SEMA4C: variants seen among roughly 807,000 people sequenced by gnomAD.
SEMA4C encodes semaphorin 4C, also known as semaphorin-4C.
A neutral mutation model predicts 89.0 loss-of-function variants in SEMA4C; 19 were observed. The observed-to-expected ratio is 0.21, with a 90% CI of 0.15 to 0.31. The LOEUF is 0.31. Ranked by LOEUF, SEMA4C falls within the 10% of genes least tolerant of loss-of-function variation. The probability of loss-of-function intolerance (pLI) is 1.00; values close to 1 mark genes in which losing one functional copy is unlikely to be tolerated. For synonymous variants in SEMA4C, 428 were observed against 472.7 expected, an observed-to-expected ratio of 0.91 and a Z score of 1.23; for missense variants, 811 against 1,107.0, an observed-to-expected ratio of 0.73 and a Z score of 3.79.
In SEMA4C at chr2:96,864,984, G is replaced by A. The variant is rs1488691262; in HGVS notation, c.766C>T (p.Arg256Cys). Reference sequence around the variant, plus strand: ...GGTACCTTGCAGACACGGGCCACACGAGCCACCACCTGCTCGGCATAGCAG... The same window carrying A: ...GGTACCTTGCAGACACGGGCCACACAAGCCACCACCTGCTCGGCATAGCAG... ...SDCYAEQVVA[R>C]VARVCKGDMG... The change falls in exon 8 of 15, where the codon CGT (arginine) becomes TGT (cysteine). Residue 256 changes from arginine to cysteine, a missense_variant. Physicochemically the swap from Arg to Cys is radical, Grantham distance 180 (BLOSUM62 -3). This residue lies in a region of SEMA4C where 441 missense variants were observed against 664.9 expected (regional missense o/e 0.66). Coordinates refer to ENST00000305476, the MANE Select transcript of SEMA4C (RefSeq NM_017789.5). The surrounding 1 kb of genome is among the most constrained non-coding windows in gnomAD (Gnocchi z 6.3). The A allele has an allele frequency of 1.9e-6, 3 of 1,572,066 alleles. No homozygotes were observed. The highest frequency in any genetic ancestry group is 2.4e-5 in the East Asian group (1 of 42,214).
At position 96,861,529 on chromosome 2, in the gene SEMA4C, C is replaced by T. The variant is rs369155347; in HGVS notation, c.1672+50G>A. 33 of 1,608,058 alleles carry T rather than the reference C, an allele frequency of 2.1e-5. No individual in the cohort carries two copies. The highest frequency in any genetic ancestry group is 2.7e-5 in the Non-Finnish European group (32 of 1,175,304). ...CTGGGGAAGAGGAGAACAGAAACTC[C>T]AGCTCTGGTCCAGGGCTCAGCCCGA... is the stretch of plus-strand genomic sequence containing the variant. On this transcript the variant is annotated intron_variant, in intron 14 of 14. Transcript: ENST00000305476. The surrounding 1 kb of genome is among the most constrained non-coding windows in gnomAD (Gnocchi z 7.8).
Position 96,861,328 on chromosome 2 carries a change from G to A in SEMA4C, c.1800C>T (p.Pro600=), listed in dbSNP as rs779706065. The A allele has an allele frequency of 3.5e-5, 56 of 1,607,040 alleles. No homozygotes were observed. Among genetic ancestry groups the A allele is most frequent in the East Asian group, 4.5e-5 (2 of 44,894 alleles). Residue 600 remains proline (P), a synonymous_variant, in exon 15 of 15, where the codon CCC becomes CCT. Coordinates refer to ENST00000305476, the MANE Select transcript of SEMA4C (RefSeq NM_017789.5). This position sits in a 1 kb window ranked among gnomAD's most constrained non-coding sequence, Gnocchi z 7.8. ...FGGRDLPAEQ[P]GSFLYDARLQ... ...GCCGGGCATCGTAGAGGAAGGACCCGGGCTGTTCCGCAGGCAGGTCCCGGC... is the reference window on the plus strand; with the variant it reads ...GCCGGGCATCGTAGAGGAAGGACCCAGGCTGTTCCGCAGGCAGGTCCCGGC...
chr2:96,870,723 A>C (rs1436356303), upstream of SEMA4C: 1 of 985,364 alleles, frequency 1.0e-6, no homozygotes. Flanking sequence ...TCCTCGTGCC[A>C]CTGGAAGGCT....
rs766080238 is a variant in SEMA4C at position 96,864,182 on chromosome 2, AGGGTGGGATGGCACCGCAGCT to A, written c.1107+35_1108-35del. 1 of 1,611,806 alleles carries A rather than the reference AGGGTGGGATGGCACCGCAGCT, an allele frequency of 6.2e-7. No homozygotes were observed. Among genetic ancestry groups the A allele is most frequent in the Admixed American group, 1.7e-5 (1 of 60,010 alleles). Reference sequence around the variant, plus strand: ...AGGGTGTGGGGGGCAGGCCATCAGCAGGGTGGGATGGCACCGCAGCTGGGTGGGGAGATGCATCCCTGCCCT... The same window carrying A: ...AGGGTGTGGGGGGCAGGCCATCAGCAGGGTGGGGAGATGCATCCCTGCCCT... On this transcript the variant is annotated intron_variant, in intron 10 of 14. Transcript: ENST00000305476. The surrounding 1 kb of genome is among the most constrained non-coding windows in gnomAD (Gnocchi z 6.3).
In SEMA4C at chr2:96,865,853, G is replaced by A. The variant is rs754738409; in HGVS notation, c.321+14C>T. The A allele has an allele frequency of 3.7e-6, 6 of 1,613,868 alleles. No individual in the cohort carries two copies. Among genetic ancestry groups the A allele is most frequent in the Admixed American group, 3.3e-5 (2 of 60,002 alleles). On this transcript the variant is annotated intron_variant, in intron 4 of 14. Transcript: ENST00000305476. Reference sequence around the variant, plus strand: ...GGGTGAAGGCAGCACCAGGAGCAGCGTCCAAGCACCCACCTGGTTGTTCTT... The same window carrying A: ...GGGTGAAGGCAGCACCAGGAGCAGCATCCAAGCACCCACCTGGTTGTTCTT...
In SEMA4C at chr2:96,864,421, C is replaced by T; in HGVS notation, c.963-39G>A. 4 of 1,608,680 alleles carry T rather than the reference C, an allele frequency of 2.5e-6. No homozygotes were observed. The highest frequency in any genetic ancestry group is 3.4e-6 in the Non-Finnish European group (4 of 1,179,408). On this transcript the variant is annotated intron_variant, in intron 9 of 14. Coordinates refer to ENST00000305476, the MANE Select transcript of SEMA4C (RefSeq NM_017789.5). The surrounding 1 kb of genome is among the most constrained non-coding windows in gnomAD (Gnocchi z 6.3). ...AGGGAGCCCAGGGTCAGGTACCCAC[C>T]TTATCTCTTCCCACCCCAGCTAAGG...
At position 96,863,967 on chromosome 2, in the gene SEMA4C, C is replaced by G; in HGVS notation, c.1289G>C (p.Gly430Ala). 2 of 1,613,456 alleles carry G rather than the reference C, an allele frequency of 1.2e-6. No individual in the cohort carries two copies. The highest frequency in any genetic ancestry group is 1.7e-6 in the Non-Finnish European group (2 of 1,179,914). Residue 430 changes from glycine to alanine, a missense_variant, in exon 11 of 15, where the codon GGA becomes GCA. By Grantham distance (60) the Gly-to-Ala change is moderately conservative. Around this residue, in one of 4 missense-constraint regions of SEMA4C, gnomAD observed 441 missense variants for 664.9 expected, o/e 0.66. Coordinates refer to ENST00000305476, the MANE Select transcript of SEMA4C (RefSeq NM_017789.5). ...CACTGTATAGGTGGCTCCATCAAGT[C>G]CTGTAACCCGGTCGGCCACCAGGTG... ...FTHLVADRVT[G>A]LDGATYTVLF...
chr2:96,867,763 C>T lies in SEMA4C; in HGVS notation c.109+15G>A, dbSNP rs376885887. The T allele has an allele frequency of 8.2e-5, 132 of 1,611,822 alleles. 1 individual carries two copies. The highest frequency in any genetic ancestry group is 1.1e-4 in the Non-Finnish European group (128 of 1,178,554). On this transcript the variant is annotated intron_variant, in intron 2 of 14. Transcript: ENST00000305476. ...GCCTGTCCCTGACTTCCTCCTCACC[C>T]CTCCAGGCACTCACCCCCAGAAGAC...
At position 96,865,981 on chromosome 2, in the gene SEMA4C, G is replaced by A. The variant is rs532175468; in HGVS notation, c.259-52C>T. ...CACGTTACAGGTACGGACTGAGCAC[G>A]TGTCACAAGCACAGCCTGCAGCAGC... On this transcript the variant is annotated intron_variant, in intron 3 of 14. Transcript: ENST00000305476. 2.9e-5 allele frequency: 46 copies of A among 1,571,896 alleles called. 1 individual carries two copies. The highest frequency in any genetic ancestry group is 3.3e-4 in the Middle Eastern group (2 of 5,982).
rs968097123 is a variant in SEMA4C, at chr2:96,860,478, G to C, written c.*148C>G. On this transcript the variant is annotated 3_prime_UTR_variant, in exon 15 of 15. Coordinates refer to ENST00000305476, the MANE Select transcript of SEMA4C (RefSeq NM_017789.5). ...CAAGTGGCAGTGCCCGTGCTGAGCA[G>C]AGCAGGTCCTCATGGCCGGGTGGGT... 1.4e-6 allele frequency: 1 copy of C among 701,180 alleles called. No individual in the cohort carries two copies. Among genetic ancestry groups the C allele is most frequent in the Non-Finnish European group, 2.3e-6 (1 of 433,624 alleles). The allele number at this position is 701,180 out of a possible 1,614,324, so 43.4% of individuals were successfully genotyped here.
chr2:96,868,395 G>A, intron 1 of SEMA4C: 1 of 1,007,258 alleles, frequency 9.9e-7, no homozygotes, highest in African/African-American at 1.7e-5. Context: ...TAGGCGGTCG[G>A]GAAAGCCCCA....
Position 96,864,778 on chromosome 2 carries a change from G to A in SEMA4C, c.889C>T (p.Leu297=). Residue 297 remains leucine, a synonymous_variant, in exon 9 of 15, where the codon CTG becomes TTG. Coordinates refer to ENST00000305476, the MANE Select transcript of SEMA4C (RefSeq NM_017789.5). This position sits in a 1 kb window ranked among gnomAD's most constrained non-coding sequence, Gnocchi z 6.3. The part of the protein sequence containing the change: ...APNWQLYFNQ[L]QAMHTLQDTS... ...TCCTGCAGGGTGTGCATCGCCTGCA[G>A]CTGGTTGAAGTAGAGCTGCCAGTTC... is the stretch of plus-strand genomic sequence containing the variant. The A allele has an allele frequency of 1.2e-6, 2 of 1,614,002 alleles. No individual in the cohort carries two copies. The highest frequency in any genetic ancestry group is 2.2e-5 in the South Asian group (2 of 91,088).
Position 96,860,731 on chromosome 2 carries a change from C to A in SEMA4C, c.2397G>T (p.Arg799=). Residue 799 remains arginine (R), a synonymous_variant, in exon 15 of 15, where the codon CGG becomes CGT. Coordinates refer to ENST00000305476, the MANE Select transcript of SEMA4C (RefSeq NM_017789.5). ...YVRLQLGGED[R]GGLGHPLPEL... ...CAGGCAGGGGGTGCCCGAGCCCTCC[C>A]CGGTCCTCCCCTCCTAGTTGTAAGC... The A allele has an allele frequency of 1.2e-6, 2 of 1,613,802 alleles. No individual in the cohort carries two copies. Among genetic ancestry groups the A allele is most frequent in the Non-Finnish European group, 1.7e-6 (2 of 1,179,988 alleles).
chr2:96,861,327 C>A lies in SEMA4C; in HGVS notation c.1801G>T (p.Gly601Trp). Residue 601 changes from glycine to tryptophan, a missense_variant, in exon 15 of 15, where the codon GGG (glycine) becomes TGG (tryptophan). Gly to Trp is a radical substitution (Grantham distance 184). Around this residue, in one of 4 missense-constraint regions of SEMA4C, gnomAD observed 441 missense variants for 664.9 expected, o/e 0.66. Coordinates refer to ENST00000305476, the MANE Select transcript of SEMA4C (RefSeq NM_017789.5). The surrounding 1 kb of genome is among the most constrained non-coding windows in gnomAD (Gnocchi z 7.8). ...AGCCGGGCATCGTAGAGGAAGGACC[C>A]GGGCTGTTCCGCAGGCAGGTCCCGG... Reference protein sequence around the residue: ...GGRDLPAEQPGSFLYDARLQA... With the variant: ...GGRDLPAEQPWSFLYDARLQA... The A allele has an allele frequency of 6.2e-7, 1 of 1,607,042 alleles. No individual in the cohort carries two copies.
At chr2:96,868,119 C>A (rs913780964) in intron 1 of SEMA4C, among the ~76,000 whole-genome samples, 196 bp from the exon 2 acceptor site, 1 of 152,192 alleles carries the variant, frequency 6.6e-6, no homozygotes, top group Non-Finnish European at 1.5e-5. Flanking sequence ...CCCTGGGAAG[C>A]GGGGAGGAGT....
rs1358601304 is a variant in SEMA4C, at chr2:96,865,085, GGTACA to G, written c.660_664del (p.Val221Ter). 6.4e-7 allele frequency: 1 copy of G among 1,564,556 alleles called. No individual in the cohort carries two copies. Among genetic ancestry groups the G allele is most frequent in the African/African-American group, 1.4e-5 (1 of 73,614 alleles). ...CCCCGTGAAGCTGCCCACACTCTCA[GGTACA>G]TAGGCAGAGCCTACAAAGTGAGGTT... On this transcript the variant is annotated frameshift_variant, in exon 8 of 15. Transcript: ENST00000305476. LOFTEE classifies it high-confidence loss of function.
In SEMA4C at chr2:96,865,925, G is replaced by A; in HGVS notation, c.263C>T (p.Ser88Phe). The A allele has an allele frequency of 1.2e-6, 2 of 1,614,004 alleles. No individual in the cohort carries two copies. Among genetic ancestry groups the A allele is most frequent in the Non-Finnish European group, 1.7e-6 (2 of 1,179,992 alleles). Residue 88 changes from serine (S) to phenylalanine (F), a missense_variant, in exon 4 of 15, where the codon TCC becomes TTC. Physicochemically the swap from Ser to Phe is radical, Grantham distance 155 (BLOSUM62 -2). Around this residue, in one of 4 missense-constraint regions of SEMA4C, gnomAD observed 119 missense variants for 152.7 expected, o/e 0.78. Transcript: ENST00000305476. ...MEALELQGAI[S>F]WEAPVEKKTE... The stretch of plus-strand genomic sequence containing the variant: ...CTTCTTCTCCACGGGGGCCTCCCAG[G>A]AGATCTGGGGAAAGGGAAGGGGATG...
Position 96,867,815 on chromosome 2 carries a change from C to G in SEMA4C, c.72G>C (p.Trp24Cys), listed in dbSNP as rs372757045. The change falls in exon 2 of 15, where the codon TGG (tryptophan) becomes TGC (cysteine). Residue 24 changes from tryptophan (W) to cysteine (C), a missense_variant. Around this residue, in one of 4 missense-constraint regions of SEMA4C, gnomAD observed 119 missense variants for 152.7 expected, o/e 0.78. Coordinates refer to ENST00000305476, the MANE Select transcript of SEMA4C (RefSeq NM_017789.5). ...CTGTCTTACGCGGCACAAGGTTCCA[C>G]CACACCTCAGCCCCAATGCCCAGGC... ...LWGLGIGAEV[W>C]WNLVPRKTVS... is the part of the protein sequence containing the mutation. 3.3e-5 allele frequency: 54 copies of G among 1,613,568 alleles called. No individual in the cohort carries two copies. Among genetic ancestry groups the G allele is most frequent in the Non-Finnish European group, 4.5e-5 (53 of 1,179,948 alleles).
At chr2:96,862,830 C>T (rs1338585370) in intron 12 of SEMA4C, 2 of 148,168 alleles carry the variant, frequency 1.3e-5, no homozygotes, top group Non-Finnish European at 3.0e-5. Context: ...CCACTGCACT[C>T]CAGCCTGGGT....
Sources: allele counts gnomAD v4.1 joint callset (sites outside exome capture counted in the v4.1 genomes callset), GRCh38; gene constraint gnomAD v4.1.1; regional missense constraint gnomAD v4.1.1; non-coding constraint Gnocchi (gnomAD v3.1); transcripts MANE v1.5; gene names NCBI Gene and HGNC (gene_info 2026-07-23, HGNC 2026-07-21).